Variants in KHDRBS2 observed in about 807,000 individuals in gnomAD.
KHDRBS2 encodes KH RNA binding domain containing, signal transduction associated 2.
KHDRBS2 carries 26 observed loss-of-function variants against 44.3 expected under a neutral mutation model. The observed-to-expected ratio is 0.59, with a 90% CI of 0.43 to 0.81. The LOEUF (loss-of-function observed/expected upper bound fraction) is 0.81. KHDRBS2 is among the 40% of genes least tolerant of loss of function. The probability of loss-of-function intolerance (pLI) is 0.00; values close to 1 mark genes in which losing one functional copy is unlikely to be tolerated. For synonymous variants in KHDRBS2, 194 were observed against 151.1 expected, an observed-to-expected ratio of 1.28 and a Z score of -2.08; for missense variants, 476 against 433.1, an observed-to-expected ratio of 1.10 and a Z score of -0.88.
At chr6:61,735,434 T>C (rs1353265464) in intron 6 of KHDRBS2, among the ~76,000 whole-genome samples, 1 of 152,166 alleles carries the variant, frequency 6.6e-6, no homozygotes, top group Non-Finnish European at 1.5e-5. Flanking sequence ...CCCAGTTAAA[T>C]TTCTACAATT....
At chr6:61,892,441 C>A (rs1408197168) in intron 6 of KHDRBS2, among the ~76,000 whole-genome samples, 5 of 152,106 alleles carry the variant, frequency 3.3e-5, no homozygotes, top group African/African-American at 1.2e-4. Flanking sequence ...CCTGCATTGC[C>A]AAGTCAATCC....
At chr6:61,557,674 C>T in the KHDRBS2 span, among the ~76,000 whole-genome samples, 1 of 152,110 alleles carries the variant, frequency 6.6e-6, no homozygotes. Flanking sequence ...GTATTCTCTT[C>T]TCTATTTTTC....
At chr6:62,110,331 C>A (rs1390547755) in intron 2 of KHDRBS2, among the ~76,000 whole-genome samples, 1 of 152,052 alleles carries the variant, frequency 6.6e-6, no homozygotes, top group East Asian at 1.9e-4. Flanking sequence ...TAGTTAATTA[C>A]CCAAGAGAAA....
At chr6:62,096,580 T>A (rs147869225) in intron 2 of KHDRBS2, among the ~76,000 whole-genome samples, 5,644 of 151,982 alleles carry the variant, frequency 0.037, 126 homozygotes, top group Non-Finnish European at 0.058. Flanking sequence ...TTATTTTTTA[T>A]CTCTGATTTT....
rs575822298 is a variant in KHDRBS2, at chr6:61,728,557, A to G, written c.893+4125T>C. The stretch of plus-strand genomic sequence containing the variant: ...AACATTTAACTGTACTGGAATGATT[A>G]AATTGTGATCAAATCATAGAATGAA... On this transcript the variant is annotated intron_variant, in intron 7 of 8. Transcript: ENST00000281156. Among the ~76,000 whole-genome samples, 4 of 152,354 alleles carry G rather than the reference A, an allele frequency of 2.6e-5. No individual in the cohort carries two copies. In the South Asian group the frequency reaches 8.3e-4, roughly 32 times the overall value.
intron 2 of KHDRBS2, among the ~76,000 whole-genome samples, chr6:62,141,385 T>C (rs898388265): frequency 3.3e-5 from 5 of 152,146 alleles, no homozygotes; most frequent in African/African-American, 4.8e-5. Context: ...CACTGCATGA[T>C]AGAAGAATTG....
At chr6:61,845,471 A>G (rs1215171338) in intron 6 of KHDRBS2, among the ~76,000 whole-genome samples, 2 of 152,040 alleles carry the variant, frequency 1.3e-5, no homozygotes, top group African/African-American at 2.4e-5. Flanking sequence ...CACTACGCCC[A>G]GCTAATTTTT....
intron 6 of KHDRBS2, among the ~76,000 whole-genome samples, chr6:61,831,314 G>A (rs1391835098): frequency 6.6e-6 from 1 of 151,986 alleles, no homozygotes; most frequent in Non-Finnish European, 1.5e-5. Flanking sequence ...TACCCCTAAA[G>A]CATTACCAGT....
intron 3 of KHDRBS2, among the ~76,000 whole-genome samples, chr6:61,984,512 T>C (rs1222218907): frequency 6.6e-6 from 1 of 152,054 alleles, no homozygotes; most frequent in Non-Finnish European, 1.5e-5. Context: ...AACAGAGATT[T>C]ACCAAAGTCA....
At chr6:62,172,716 A>AC (rs1820298381) in intron 2 of KHDRBS2, among the ~76,000 whole-genome samples, 1 of 151,346 alleles carries the variant, frequency 6.6e-6, no homozygotes, top group Non-Finnish European at 1.5e-5. Context: ...AAAAAAAAAA[A>AC]AAACCTGGAA....
chr6:61,767,657 G>A (rs1780207272), intron 6 of KHDRBS2, among the ~76,000 whole-genome samples: 1 of 151,874 alleles, frequency 6.6e-6, no homozygotes, highest in Non-Finnish European at 1.5e-5. Context: ...TTTCCACTGA[G>A]GTTACCATGA....
intron 8 of KHDRBS2, among the ~76,000 whole-genome samples, chr6:61,693,687 T>C (rs1189637059): frequency 1.3e-5 from 2 of 152,252 alleles, no homozygotes; most frequent in Non-Finnish European, 2.9e-5. Flanking sequence ...GTGCAGAAAA[T>C]TTCTTGTTGG....
At chr6:62,107,007 G>A (rs902461549) in intron 2 of KHDRBS2, among the ~76,000 whole-genome samples, 2 of 152,052 alleles carry the variant, frequency 1.3e-5, no homozygotes, top group Non-Finnish European at 2.9e-5. Flanking sequence ...GCAAAAACTG[G>A]AAACACTCCC....
chr6:61,708,373 A>C (rs1038840318), intron 7 of KHDRBS2, among the ~76,000 whole-genome samples: 1 of 151,678 alleles, frequency 6.6e-6, no homozygotes, highest in Non-Finnish European at 1.5e-5. Context: ...TAAATAAAAT[A>C]TATTGTCTTT....
rs61753607 is a variant in KHDRBS2, at chr6:61,697,206, T to C, written c.941A>G (p.Tyr314Cys). ...DYGHGVSEDA[Y>C]DSYAPEEWAT... ...AGAAAAGGTCTTACCGTAGCTGTCA[T>C]AGGCATCCTCACTTACTCCATGACC... Residue 314 changes from tyrosine (Y) to cysteine (C), a missense_variant, in exon 8 of 9, where the codon TAT becomes TGT. Coordinates refer to ENST00000281156, the MANE Select transcript of KHDRBS2 (RefSeq NM_152688.4). 12 of 1,607,418 alleles carry C rather than the reference T, an allele frequency of 7.5e-6. No homozygotes were observed. Among genetic ancestry groups the C allele is most frequent in the Non-Finnish European group, 1.0e-5 (12 of 1,174,184 alleles).
chr6:62,225,344 TA>T (rs1199752411), intron 1 of KHDRBS2, among the ~76,000 whole-genome samples: 1 of 152,144 alleles, frequency 6.6e-6, no homozygotes, highest in East Asian at 1.9e-4. Flanking sequence ...GTCAAAACCT[TA>T]AGGTATAAAA....
intron 1 of KHDRBS2, among the ~76,000 whole-genome samples, chr6:62,211,620 T>A (rs1829060408): frequency 6.6e-6 from 1 of 152,200 alleles, no homozygotes; most frequent in Non-Finnish European, 1.5e-5. Context: ...AAAAAACATT[T>A]ATTTTAAGTT....
the KHDRBS2 span, among the ~76,000 whole-genome samples, chr6:61,630,764 G>A: frequency 9.2e-5 from 14 of 152,274 alleles, no homozygotes; most frequent in African/African-American, 3.4e-4. Flanking sequence ...ACATTGCAAG[G>A]GAGGGGAGCT....
chr6:62,006,686 G>A (rs947197958), intron 3 of KHDRBS2, among the ~76,000 whole-genome samples: 32 of 151,814 alleles, frequency 2.1e-4, no homozygotes, highest in African/African-American at 7.3e-4. Context: ...CATAGTAAAC[G>A]TTTTAAAGGT....
Sources: gnomAD v4.1 joint callset for allele counts (sites outside exome capture counted in the v4.1 genomes callset) on GRCh38, gnomAD v4.1.1 for gene constraint, MANE v1.5 for transcripts, NCBI Gene and HGNC (gene_info 2026-07-23, HGNC 2026-07-21) for gene names.